The following STPG4 variants were observed in gnomAD, a reference collection of about 807,000 sequenced individuals.
STPG4 encodes sperm-tail PG-rich repeat containing 4, also known as protein STPG4.
Under a neutral mutation model 31.5 loss-of-function variants are expected in STPG4, and 41 were observed. The ratio of observed to expected loss-of-function variants is 1.30; its 90% CI spans 1.01 to 1.69. The LOEUF is 1.69. Ranked by LOEUF, STPG4 falls within the 40% of genes most tolerant of loss-of-function variation. The pLI, the probability that STPG4 is intolerant of heterozygous loss-of-function variation, is 0.00. For synonymous variants in STPG4, 141 were observed against 103.0 expected (o/e 1.37, Z -2.24); for missense variants, 375 against 293.4 (o/e 1.28, Z -2.03).
At chr2:47,128,200 G>A (rs949604099) in intron 5 of STPG4, among the ~76,000 whole-genome samples, 1 of 152,122 alleles carries the variant, frequency 6.6e-6, no homozygotes, top group African/African-American at 2.4e-5. Context: ...CCAAACAAAC[G>A]AAGTCTCTCT....
intron 3 of STPG4, among the ~76,000 whole-genome samples, chr2:47,131,595 C>G (rs1326544676): frequency 6.6e-6 from 1 of 152,138 alleles, no homozygotes; most frequent in East Asian, 1.9e-4. Flanking sequence ...TAACATAAAC[C>G]ACTGTCATCA....
intron 5 of STPG4, among the ~76,000 whole-genome samples, chr2:47,113,638 G>A (rs1343713237): frequency 1.3e-5 from 2 of 152,112 alleles, no homozygotes; most frequent in African/African-American, 4.8e-5. Flanking sequence ...TACAAATTTG[G>A]TGAAATGAGT....
At chr2:47,120,090 G>A (rs1309379721) in intron 5 of STPG4, among the ~76,000 whole-genome samples, 1 of 152,200 alleles carries the variant, frequency 6.6e-6, no homozygotes, top group Non-Finnish European at 1.5e-5. Context: ...CAGCCCTTTG[G>A]GAGGCTAACG....
At chr2:47,143,362 T>C (rs1686755458) in intron 3 of STPG4, among the ~76,000 whole-genome samples, 1 of 152,238 alleles carries the variant, frequency 6.6e-6, no homozygotes. Flanking sequence ...GTTGATCACC[T>C]GATAGGCGAA....
At chr2:47,105,774 G>A (rs574942738) in intron 5 of STPG4, among the ~76,000 whole-genome samples, 1 of 151,968 alleles carries the variant, frequency 6.6e-6, no homozygotes, top group Non-Finnish European at 1.5e-5. Flanking sequence ...CCTTAAAACT[G>A]GGAAAGGGAA....
intron 5 of STPG4, among the ~76,000 whole-genome samples, chr2:47,091,724 T>A (rs369903541): frequency 6.6e-6 from 1 of 152,192 alleles, no homozygotes; most frequent in African/African-American, 2.4e-5. Flanking sequence ...CTAAGTTGTA[T>A]ATGTTTTTCA....
At chr2:47,095,067 C>G (rs1430646417) in intron 5 of STPG4, among the ~76,000 whole-genome samples, 1 of 152,114 alleles carries the variant, frequency 6.6e-6, no homozygotes, top group East Asian at 1.9e-4. Context: ...TGAAACTGTC[C>G]CAAGTTGTTA....
chr2:47,130,214 A>G lies in STPG4; in HGVS notation c.446T>C (p.Val149Ala), dbSNP rs1245408197. Residue 149 changes from valine (V) to alanine (A), a missense_variant, in exon 4 of 7, where the codon GTT (valine) becomes GCT (alanine). By Grantham distance (64) the Val-to-Ala change is moderately conservative. Coordinates refer to ENST00000445927, the MANE Select transcript of STPG4 (RefSeq NM_001163561.2). Reference sequence around the variant, plus strand: ...TAATTACCTGGAAGCATATTTGGGAACTGGTGCAGGAAGCACGTTGTATTG... The same window carrying G: ...TAATTACCTGGAAGCATATTTGGGAGCTGGTGCAGGAAGCACGTTGTATTG... Reference protein sequence around the residue: ...PGQYNVLPAPVPKYASRSCVF... With the variant: ...PGQYNVLPAPAPKYASRSCVF... 1 of 1,613,868 alleles carries G rather than the reference A, an allele frequency of 6.2e-7. No individual in the cohort carries two copies. The highest frequency in any genetic ancestry group is 1.3e-5 in the African/African-American group (1 of 74,946).
intron 5 of STPG4, among the ~76,000 whole-genome samples, chr2:47,125,255 TA>T (rs1686343082): frequency 6.6e-6 from 1 of 152,080 alleles, no homozygotes; most frequent in African/African-American, 2.4e-5. Context: ...AGCCCATTTC[TA>T]CAAAAAAATA....
chr2:47,089,084 A>T (rs759225901), intron 6 of STPG4, among the ~76,000 whole-genome samples: 1 of 152,194 alleles, frequency 6.6e-6, no homozygotes, highest in Non-Finnish European at 1.5e-5. Flanking sequence ...AGACTCCACC[A>T]ATCAGTGCTC....
intron 5 of STPG4, among the ~76,000 whole-genome samples, chr2:47,114,180 G>T (rs1206301085): frequency 6.6e-6 from 1 of 151,586 alleles, no homozygotes; most frequent in South Asian, 2.1e-4. Flanking sequence ...AGACCTGTTT[G>T]GACAACATAG....
chr2:47,107,669 AT>A (rs1411852947), intron 5 of STPG4, among the ~76,000 whole-genome samples: 4 of 152,148 alleles, frequency 2.6e-5, no homozygotes, highest in Non-Finnish European at 4.4e-5. Context: ...GTGCGGGCAC[AT>A]GGTGCGGGAC....
chr2:47,115,674 A>C (rs1686135395), intron 5 of STPG4, among the ~76,000 whole-genome samples: 1 of 85,992 alleles, frequency 1.2e-5, no homozygotes, highest in African/African-American at 4.2e-5. Context: ...TTTTTTTGAG[A>C]CAGAGTCTCG....
At chr2:47,152,724 A>T (rs912895580) in intron 2 of STPG4, among the ~76,000 whole-genome samples, 13 of 152,334 alleles carry the variant, frequency 8.5e-5, no homozygotes, top group Non-Finnish European at 1.2e-4. Flanking sequence ...TCTGTAAAGC[A>T]CCTAGATTTC....
chr2:47,121,707 C>T (rs1248768249), intron 5 of STPG4, among the ~76,000 whole-genome samples: 1 of 152,176 alleles, frequency 6.6e-6, no homozygotes, highest in African/African-American at 2.4e-5. Context: ...AATTATATGT[C>T]AGCAGGGCCA....
chr2:47,142,200 A>G (rs913446688), intron 3 of STPG4, among the ~76,000 whole-genome samples: 1 of 152,010 alleles, frequency 6.6e-6, no homozygotes, highest in Non-Finnish European at 1.5e-5. Context: ...TATTTTGAAC[A>G]TATTCAAATG....
intron 5 of STPG4, among the ~76,000 whole-genome samples, chr2:47,097,787 G>A (rs1165643463): frequency 2.6e-5 from 4 of 152,130 alleles, no homozygotes; most frequent in East Asian, 1.9e-4. Flanking sequence ...AACATGTGGT[G>A]TGTATTCACA....
intron 3 of STPG4, among the ~76,000 whole-genome samples, chr2:47,133,954 A>G (rs1686543140): frequency 6.6e-6 from 1 of 152,136 alleles, no homozygotes; most frequent in Admixed American, 6.5e-5. Context: ...ATGTTGCACC[A>G]AACACCATCA....
chr2:47,154,217 T>C lies in STPG4; in HGVS notation c.81+954A>G, dbSNP rs149345815. 1.5e-3 allele frequency among the ~76,000 whole-genome samples: 222 copies of C among 152,342 alleles called. 4 individuals are homozygous for C. The South Asian group carries it at 0.025, about 17-fold the overall frequency. On this transcript the variant is annotated intron_variant, in intron 1 of 6. Coordinates refer to ENST00000445927, the MANE Select transcript of STPG4 (RefSeq NM_001163561.2). The stretch of plus-strand genomic sequence containing the variant: ...CACTGGGCTTTATTTTATTATGAAA[T>C]ATGTTAATTTCTTTAAAAAACATTT...
Sources: allele counts gnomAD v4.1 joint callset (sites outside exome capture counted in the v4.1 genomes callset), GRCh38; gene constraint gnomAD v4.1.1; transcripts MANE v1.5; gene names NCBI Gene and HGNC (gene_info 2026-07-23, HGNC 2026-07-21).